Variants in PRPF18 observed in about 807,000 individuals in gnomAD.
The protein encoded by PRPF18 is pre-mRNA-splicing factor 18.
PRPF18 carries 38 observed loss-of-function variants against 46.5 expected under a neutral mutation model. The ratio of observed to expected loss-of-function variants is 0.82; its 90% CI spans 0.63 to 1.07. The LOEUF (loss-of-function observed/expected upper bound fraction) is 1.07, where lower values mean the gene tolerates loss of function less well. Ranked by LOEUF, PRPF18 falls within the 50% of genes least tolerant of loss-of-function variation. PRPF18 has a pLI of 0.00. For missense variants in PRPF18, 263 were observed against 410.0 expected, an observed-to-expected ratio of 0.64 and a Z score of 3.10; for synonymous variants, 152 against 146.7, an observed-to-expected ratio of 1.04 and a Z score of -0.26.
intron 1 of PRPF18, among the ~76,000 whole-genome samples, chr10:13,590,159 T>A (rs1449785050): frequency 1.3e-5 from 2 of 151,954 alleles, no homozygotes; most frequent in African/African-American, 4.8e-5. Flanking sequence ...TCATTTATAA[T>A]TTATAATATA....
the PRPF18 span, chr10:13,645,703 G>A: frequency 6.6e-6 from 1 of 152,454 alleles, no homozygotes; most frequent in South Asian, 2.1e-4. Flanking sequence ...AGACACACGA[G>A]TCAAATCTTT....
intron 3 of PRPF18, among the ~76,000 whole-genome samples, chr10:13,604,322 A>G (rs1487153899): frequency 6.6e-6 from 1 of 152,106 alleles, no homozygotes; most frequent in Admixed American, 6.5e-5. Flanking sequence ...ACTAGTATTT[A>G]TTACGTTTTC....
chr10:13,650,172 G>A, the PRPF18 span, among the ~76,000 whole-genome samples: 2 of 152,210 alleles, frequency 1.3e-5, no homozygotes, highest in African/African-American at 2.4e-5. Flanking sequence ...GCTTGGCATA[G>A]GGAGGTGGGG....
At position 13,597,721 on chromosome 10, in the gene PRPF18, A is replaced by G. The variant is rs753042361; in HGVS notation, c.144+186A>G. On this transcript the variant is annotated intron_variant, in intron 2 of 9. Transcript: ENST00000378572. ...TTAAAAAAATCTTGAATTCAGGAAA[A>G]TACATGCATGACTTTTGGCTTGGAA... 4.2e-5 allele frequency: 63 copies of G among 1,493,668 alleles called. No individual in the cohort carries two copies. In the South Asian group the frequency reaches 7.1e-4, roughly 17 times the overall value. 92.5% of individuals were successfully genotyped at this position (1,493,668 alleles called of 1,614,324 possible). A position where few individuals can be genotyped will look rare whatever the true frequency, so the allele number is the denominator to read the frequency against.
At chr10:13,606,733 C>CAAAAAAAAAAAAAAA (rs34162273) in intron 4 of PRPF18, among the ~76,000 whole-genome samples, 1 of 73,010 alleles carries the variant, frequency 1.4e-5, no homozygotes, top group Non-Finnish European at 2.5e-5. Context: ...GACTCCTTCT[C>CAAAAAAAAAAAAAAA]AAAAAAAAAA....
chr10:13,597,398 T>A (rs2080050717), intron 1 of PRPF18, 60 bp from the exon 2 acceptor site: 1 of 1,163,116 alleles, frequency 8.6e-7, no homozygotes, highest in South Asian at 1.5e-5. Flanking sequence ...ATTTGTTGAC[T>A]ATGGGACATG....
intron 1 of PRPF18, chr10:13,591,841 C>T (rs750204547): frequency 7.0e-7 from 1 of 1,432,290 alleles, no homozygotes; most frequent in Non-Finnish European, 9.4e-7. Flanking sequence ...GAAGACCGCC[C>T]TCTTGCCTCT....
At chr10:13,611,471 C>T in intron 5 of PRPF18, 144 bp from the exon 6 acceptor site, 2 of 654,770 alleles carry the variant, frequency 3.1e-6, no homozygotes, top group Non-Finnish European at 5.0e-6. Context: ...TTTTTGGTTT[C>T]TTATCTAGAA....
At chr10:13,650,462 G>A in the PRPF18 span, among the ~76,000 whole-genome samples, 1 of 152,192 alleles carries the variant, frequency 6.6e-6, no homozygotes, top group Non-Finnish European at 1.5e-5. Context: ...TTCAAGCAGT[G>A]CCTACATTCC....
the PRPF18 span, chr10:13,654,191 G>C: frequency 1.7e-6 from 1 of 576,342 alleles, no homozygotes; most frequent in Non-Finnish European, 3.1e-6. Context: ...AAGGACCACC[G>C]CCTACTTTAA....
intron 6 of PRPF18, among the ~76,000 whole-genome samples, chr10:13,612,518 C>T (rs2133722895): frequency 6.6e-6 from 1 of 150,956 alleles, no homozygotes; most frequent in East Asian, 2.0e-4. Context: ...CTCCTGACCA[C>T]AAGTGATCCA....
intron 1 of PRPF18, among the ~76,000 whole-genome samples, chr10:13,589,392 T>A (rs2079924976): frequency 6.6e-6 from 1 of 152,212 alleles, no homozygotes; most frequent in South Asian, 2.1e-4. Flanking sequence ...TGTATGCATC[T>A]TTCCTGTTTT....
chr10:13,591,766 A>G, intron 1 of PRPF18: 7 of 1,367,140 alleles, frequency 5.1e-6, no homozygotes, highest in Non-Finnish European at 7.0e-6. Context: ...TTTTCTTCAT[A>G]GAGGAACTCG....
chr10:13,591,096 A>C (rs1380358428), intron 1 of PRPF18, among the ~76,000 whole-genome samples: 3 of 152,200 alleles, frequency 2.0e-5, no homozygotes, highest in Non-Finnish European at 4.4e-5. Flanking sequence ...GCCAGCCGGG[A>C]TAGATCTCAA....
chr10:13,622,634 GT>G (rs1251662997), intron 9 of PRPF18, among the ~76,000 whole-genome samples: 1 of 152,214 alleles, frequency 6.6e-6, no homozygotes, highest in Non-Finnish European at 1.5e-5. Context: ...ATACAGAGAA[GT>G]AAAAAGAGCA....
chr10:13,632,190 A>T (rs2080596153), downstream of PRPF18, among the ~76,000 whole-genome samples: 1 of 152,080 alleles, frequency 6.6e-6, no homozygotes, highest in Admixed American at 6.5e-5. Flanking sequence ...AAATACAAAA[A>T]ATTAGCCGGG....
chr10:13,600,790 A>C (rs1327640017), intron 3 of PRPF18, among the ~76,000 whole-genome samples: 1 of 151,902 alleles, frequency 6.6e-6, no homozygotes, highest in Non-Finnish European at 1.5e-5. Flanking sequence ...TTATTTATTT[A>C]TTTTGAGACA....
chr10:13,633,843 A>G (rs2080611718), downstream of PRPF18, among the ~76,000 whole-genome samples: 1 of 152,160 alleles, frequency 6.6e-6, no homozygotes, highest in Non-Finnish European at 1.5e-5. Context: ...CTCACGGTAT[A>G]TTGACGCAAG....
chr10:13,596,825 C>T (rs1032923664), intron 1 of PRPF18, among the ~76,000 whole-genome samples: 5 of 152,048 alleles, frequency 3.3e-5, no homozygotes, highest in African/African-American at 1.2e-4. Flanking sequence ...CACTCCAGCC[C>T]GCGTGACAGA....
Sources: allele counts gnomAD v4.1 joint callset (sites outside exome capture counted in the v4.1 genomes callset), GRCh38; gene constraint gnomAD v4.1.1; transcripts MANE v1.5; gene names NCBI Gene and HGNC (gene_info 2026-07-23, HGNC 2026-07-21).